The following RBFOX1 variants were observed in gnomAD, a reference collection of about 807,000 sequenced individuals.
The protein encoded by RBFOX1 is RNA binding fox-1 homolog 1, also known as RNA binding protein fox-1 homolog 1.
In RBFOX1, 8 loss-of-function variants were observed where a neutral mutation model predicts 57.7. That is an observed-to-expected ratio of 0.14 (90% CI 0.08 to 0.25). The LOEUF is 0.25. RBFOX1 is among the 10% of genes least tolerant of loss of function. The pLI is 1.00. For synonymous variants in RBFOX1, 326 were observed against 222.4 expected, an observed-to-expected ratio of 1.47 and a Z score of -4.15; for missense variants, 611 against 548.5, an observed-to-expected ratio of 1.11 and a Z score of -1.14.
At chr16:5,617,266 C>G (rs1264630580) in intron 3 of RBFOX1, among the ~76,000 whole-genome samples, 1 of 152,182 alleles carries the variant, frequency 6.6e-6, no homozygotes, top group African/African-American at 2.4e-5. Context: ...CTGGAAAGCT[C>G]CCATTCACTT....
intron 3 of RBFOX1, among the ~76,000 whole-genome samples, chr16:7,040,247 T>G (rs2045743464): frequency 6.6e-6 from 1 of 151,820 alleles, no homozygotes. Context: ...TCTCGATCTC[T>G]TGACCTCATG....
At chr16:6,378,265 C>A (rs1043808385) in intron 2 of RBFOX1, among the ~76,000 whole-genome samples, 2 of 152,206 alleles carry the variant, frequency 1.3e-5, no homozygotes, top group South Asian at 4.1e-4. Flanking sequence ...CAGTGCTTCC[C>A]CTCCGTGCTC....
At chr16:6,368,989 C>A (rs984932628) in intron 2 of RBFOX1, among the ~76,000 whole-genome samples, 1 of 152,142 alleles carries the variant, frequency 6.6e-6, no homozygotes, top group Non-Finnish European at 1.5e-5. Context: ...GTGTTATCCT[C>A]ACTTGTGTAA....
chr16:6,268,965 A>G (rs959821580), intron 1 of RBFOX1, among the ~76,000 whole-genome samples: 1 of 152,328 alleles, frequency 6.6e-6, no homozygotes, highest in African/African-American at 2.4e-5. Flanking sequence ...TATAACCTAA[A>G]AACATCCTCC....
chr16:5,583,901 A>G (rs2046752217), intron 2 of RBFOX1, among the ~76,000 whole-genome samples: 1 of 152,108 alleles, frequency 6.6e-6, no homozygotes, highest in Admixed American at 6.5e-5. Flanking sequence ...TGCCATGTAG[A>G]GTTTGTCTGG....
At chr16:7,400,378 CA>C (rs1292861538) in intron 4 of RBFOX1, among the ~76,000 whole-genome samples, 1 of 152,190 alleles carries the variant, frequency 6.6e-6, no homozygotes, top group Non-Finnish European at 1.5e-5. Flanking sequence ...GCAACCTCAG[CA>C]CAGGGGCTAG....
At chr16:5,276,825 C>A (rs538234542) in intron 1 of RBFOX1, among the ~76,000 whole-genome samples, 3 of 152,122 alleles carry the variant, frequency 2.0e-5, no homozygotes, top group African/African-American at 7.2e-5. Context: ...TGAAAGAGAA[C>A]GCTTTTACAC....
At chr16:7,242,845 C>A (rs943858748) in intron 4 of RBFOX1, among the ~76,000 whole-genome samples, 1 of 152,194 alleles carries the variant, frequency 6.6e-6, no homozygotes, top group East Asian at 1.9e-4. Flanking sequence ...CAGGTTTGGA[C>A]TGTGCTGGTG....
chr16:7,661,970 C>T (rs2067873178), intron 12 of RBFOX1, among the ~76,000 whole-genome samples: 1 of 152,078 alleles, frequency 6.6e-6, no homozygotes, highest in South Asian at 2.1e-4. Context: ...AATGTTGGTA[C>T]AAATAGGCTT....
intron 3 of RBFOX1, among the ~76,000 whole-genome samples, chr16:6,818,181 G>A (rs1240995725): frequency 6.6e-6 from 1 of 152,266 alleles, no homozygotes; most frequent in East Asian, 1.9e-4. Context: ...TCCTGCCACA[G>A]GGATCCTGCT....
intron 4 of RBFOX1, among the ~76,000 whole-genome samples, chr16:7,081,786 C>G (rs1411169256): frequency 6.6e-6 from 1 of 152,026 alleles, no homozygotes; most frequent in African/African-American, 2.4e-5. Flanking sequence ...ATTTGAACAC[C>G]TGCCTGGAGA....
intron 4 of RBFOX1, among the ~76,000 whole-genome samples, chr16:7,108,935 G>C (rs776915743): frequency 2.0e-5 from 3 of 152,270 alleles, no homozygotes; most frequent in Non-Finnish European, 2.9e-5. Context: ...AACAAACTCA[G>C]ACATATGGTC....
chr16:7,600,191 C>A (rs760645768), intron 9 of RBFOX1, among the ~76,000 whole-genome samples: 1 of 152,168 alleles, frequency 6.6e-6, no homozygotes, highest in African/African-American at 2.4e-5. Flanking sequence ...CACGTACCTG[C>A]AAAAGGGAAC....
chr16:7,652,974 C>G (rs948030986), intron 11 of RBFOX1, among the ~76,000 whole-genome samples: 3 of 152,190 alleles, frequency 2.0e-5, no homozygotes, highest in African/African-American at 7.2e-5. Flanking sequence ...ATAAAAACCA[C>G]TCATGCAGTT....
At chr16:5,324,407 G>T (rs183063354) in intron 1 of RBFOX1, among the ~76,000 whole-genome samples, 71 of 152,278 alleles carry the variant, frequency 4.7e-4, no homozygotes, top group African/African-American at 1.7e-3. Context: ...AGGTTGCAGT[G>T]AGCCAAGATC....
At chr16:5,330,882 G>C (rs938006094) in intron 1 of RBFOX1, among the ~76,000 whole-genome samples, 1 of 152,078 alleles carries the variant, frequency 6.6e-6, no homozygotes, top group Admixed American at 6.6e-5. Context: ...ACTCAAGCCT[G>C]GTCCAATTCA....
At chr16:6,465,598 CTGTGTGTGTGTGTGTG>C (rs56131263) in intron 2 of RBFOX1, among the ~76,000 whole-genome samples, 13 of 144,962 alleles carry the variant, frequency 9.0e-5, no homozygotes, top group Non-Finnish European at 1.4e-4. Flanking sequence ...ATGTATAGGG[CTGTGTGTGTGTGTGTG>C]TGTGTGTGTG....
At chr16:5,337,689 G>C (rs1004562572) in intron 1 of RBFOX1, among the ~76,000 whole-genome samples, 2 of 152,222 alleles carry the variant, frequency 1.3e-5, no homozygotes, top group African/African-American at 4.8e-5. Context: ...ATCTGGAAGA[G>C]GTGAATCCTC....
upstream of RBFOX1, among the ~76,000 whole-genome samples, chr16:6,017,180 T>G (rs1276545737): frequency 1.3e-5 from 2 of 152,250 alleles, no homozygotes; most frequent in Admixed American, 1.3e-4. Flanking sequence ...CAGCTGATGT[T>G]ACTGCCTTGA....
Sources: gnomAD v4.1 joint callset for allele counts (sites outside exome capture counted in the v4.1 genomes callset) on GRCh38, gnomAD v4.1.1 for gene constraint, MANE v1.5 for transcripts, NCBI Gene and HGNC (gene_info 2026-07-23, HGNC 2026-07-21) for gene names.